Variants in DOCK2 observed in about 807,000 individuals in gnomAD.
DOCK2 encodes the protein dedicator of cytokinesis 2.
Under a neutral mutation model 248.9 loss-of-function variants are expected in DOCK2, and 87 were observed. The ratio of observed to expected loss-of-function variants is 0.35; its 90% CI spans 0.29 to 0.42. The LOEUF (loss-of-function observed/expected upper bound fraction) is 0.42. Among genes scored for constraint, DOCK2 ranks in the 10% least tolerant of loss-of-function variants. The pLI is 1.00. For missense variants in DOCK2, 1,747 were observed against 2,300.2 expected (o/e 0.76, Z 4.92); for synonymous variants, 805 against 821.6 (o/e 0.98, Z 0.35).
At chr5:169,981,163 A>C (rs192167742) in intron 27 of DOCK2, among the ~76,000 whole-genome samples, 24 of 152,364 alleles carry the variant, frequency 1.6e-4, no homozygotes, top group Non-Finnish European at 2.9e-4. Context: ...TGACAAGGAA[A>C]GCATGCTATC....
chr5:170,052,100 G>A (rs945161786), intron 41 of DOCK2, among the ~76,000 whole-genome samples: 1 of 152,192 alleles, frequency 6.6e-6, no homozygotes, highest in African/African-American at 2.4e-5. Flanking sequence ...CACAAATTAA[G>A]TTACAGCCTT....
chr5:169,890,331 G>A (rs1773212746), intron 27 of DOCK2, among the ~76,000 whole-genome samples: 1 of 152,166 alleles, frequency 6.6e-6, no homozygotes. Flanking sequence ...GCCATTTACT[G>A]TTGATCATTC....
At chr5:169,864,238 T>C in intron 27 of DOCK2, 1 of 1,523,812 alleles carries the variant, frequency 6.6e-7, no homozygotes, top group Non-Finnish European at 8.9e-7. Flanking sequence ...GGGAAGTGCG[T>C]GGAGTTGGGG....
rs1777982167 is a variant in DOCK2, at chr5:169,983,072, A to T, written c.2804A>T (p.His935Leu). The stretch of plus-strand genomic sequence containing the variant: ...ATTTGTCTTCATTTCTTGCAGAGTC[A>T]CTTTGTGGCATGTATGACAGCCATC... ...TMGRDHILIS[H>L]FVACMTAILN... is the part of the protein sequence containing the mutation. The change falls in exon 28 of 52, where the codon CAC (histidine) becomes CTC (leucine). Residue 935 changes from histidine (H) to leucine (L), a missense_variant. By Grantham distance (99) the His-to-Leu change is moderately conservative (BLOSUM62 -3). Coordinates refer to ENST00000520908, the MANE Select transcript of DOCK2 (RefSeq NM_004946.3). 1.9e-6 allele frequency: 3 copies of T among 1,613,962 alleles called. No individual in the cohort carries two copies. The highest frequency in any genetic ancestry group is 2.7e-5 in the African/African-American group (2 of 75,016).
chr5:169,713,261 C>A (rs1191598690), intron 17 of DOCK2, among the ~76,000 whole-genome samples: 2 of 152,186 alleles, frequency 1.3e-5, no homozygotes, highest in African/African-American at 2.4e-5. Flanking sequence ...TTTACTTACC[C>A]CCATTAGGTC....
chr5:169,770,547 G>A (rs1246641488), intron 25 of DOCK2, among the ~76,000 whole-genome samples: 1 of 152,042 alleles, frequency 6.6e-6, no homozygotes, highest in East Asian at 1.9e-4. Flanking sequence ...TGATCCTTCT[G>A]CCTTGGCCTC....
rs747389103 is a variant in DOCK2 at position 169,708,285 on chromosome 5, C to G, written c.1482+18C>G. ...CAGTCAAGGTAATAATTAATAATAG[C>G]AGCAAACACATGTCTAGTTCTTACC... On this transcript the variant is annotated intron_variant, in intron 15 of 51. Transcript: ENST00000520908. 2.5e-6 allele frequency: 4 copies of G among 1,605,758 alleles called. No homozygotes were observed. The highest frequency in any genetic ancestry group is 2.6e-6 in the Non-Finnish European group (3 of 1,173,908).
In DOCK2 at chr5:169,714,357, T is replaced by G; in HGVS notation, c.1844-3T>G. ...ACTTCTGAATGTCTGGACTCTATTTTAGTGGGCTTGCTGGGTTTGCTGAAG... is the reference window on the plus strand; with the variant it reads ...ACTTCTGAATGTCTGGACTCTATTTGAGTGGGCTTGCTGGGTTTGCTGAAG... On this transcript the variant is annotated splice_region_variant and splice_polypyrimidine_tract_variant and intron_variant, in intron 18 of 51. Transcript: ENST00000520908. The G allele has an allele frequency of 6.2e-7, 1 of 1,614,038 alleles. No homozygotes were observed. The highest frequency in any genetic ancestry group is 8.5e-7 in the Non-Finnish European group (1 of 1,179,950).
At chr5:169,864,347 G>T (rs1456976309) in intron 27 of DOCK2, 13 of 1,551,450 alleles carry the variant, frequency 8.4e-6, no homozygotes, top group East Asian at 2.4e-5. Flanking sequence ...GGGGCTGGGG[G>T]TTCTGCTGGG....
Position 170,075,662 on chromosome 5 carries a change from G to A in DOCK2, c.4729-285G>A, listed in dbSNP as rs565069515. 37 of 332,456 alleles carry A rather than the reference G, an allele frequency of 1.1e-4. 1 individual carries two copies. In the East Asian group the frequency reaches 1.9e-3, roughly 17 times the overall value. The allele number at this position is 332,456 out of a possible 1,614,324, so 20.6% of individuals were successfully genotyped here. A position where few individuals can be genotyped will look rare whatever the true frequency, so the allele number is the denominator to read the frequency against. ...GCCCCCAAGTAGATTCTTTAAGGGGGCAATTTTCCCAACCATGTGGCCTTT... is the reference window on the plus strand; with the variant it reads ...GCCCCCAAGTAGATTCTTTAAGGGGACAATTTTCCCAACCATGTGGCCTTT... On this transcript the variant is annotated intron_variant, in intron 46 of 51. Coordinates refer to ENST00000520908, the MANE Select transcript of DOCK2 (RefSeq NM_004946.3).
intron 46 of DOCK2, among the ~76,000 whole-genome samples, chr5:170,073,029 C>T (rs1210386396): frequency 6.6e-6 from 1 of 152,048 alleles, no homozygotes; most frequent in Admixed American, 6.5e-5. Flanking sequence ...TTTAATTTAT[C>T]ATATTTTTAA....
intron 27 of DOCK2, among the ~76,000 whole-genome samples, chr5:169,891,923 G>C (rs1773307748): frequency 6.6e-6 from 1 of 150,996 alleles, no homozygotes; most frequent in African/African-American, 2.4e-5. Context: ...TTGAACCTGG[G>C]AGGCGGAGGT....
chr5:169,647,864 T>C (rs1357088025), intron 1 of DOCK2, among the ~76,000 whole-genome samples: 1 of 152,178 alleles, frequency 6.6e-6, no homozygotes, highest in African/African-American at 2.4e-5. Flanking sequence ...TCTTTGTTTC[T>C]TGTGTGTTTA....
chr5:169,712,253 G>A (rs1761632732), intron 17 of DOCK2, 30 bp downstream of exon 17: 3 of 1,595,756 alleles, frequency 1.9e-6, no homozygotes, highest in Non-Finnish European at 2.6e-6. Flanking sequence ...GCTCTGCACT[G>A]AGGGGAGTGC....
chr5:169,814,992 A>G (rs995069029), intron 26 of DOCK2, among the ~76,000 whole-genome samples: 1 of 152,232 alleles, frequency 6.6e-6, no homozygotes, highest in African/African-American at 2.4e-5. Context: ...GCATGACTAA[A>G]CCAACATTTA....
intron 30 of DOCK2, among the ~76,000 whole-genome samples, chr5:169,999,385 G>A (rs1754757032): frequency 6.6e-6 from 1 of 152,110 alleles, no homozygotes; most frequent in Non-Finnish European, 1.5e-5. Flanking sequence ...ACAGTGCTGG[G>A]GACATAGCAG....
chr5:169,823,917 G>A (rs1346022987), intron 26 of DOCK2, among the ~76,000 whole-genome samples: 3 of 152,182 alleles, frequency 2.0e-5, no homozygotes, highest in African/African-American at 4.8e-5. Flanking sequence ...AACAACTTCA[G>A]CAAAGTCTCA....
At chr5:169,916,371 G>A (rs1774876326) in intron 27 of DOCK2, among the ~76,000 whole-genome samples, 1 of 152,220 alleles carries the variant, frequency 6.6e-6, no homozygotes, top group Non-Finnish European at 1.5e-5. Flanking sequence ...GCTCATCAAT[G>A]TCTTAGTCAA....
intron 22 of DOCK2, among the ~76,000 whole-genome samples, chr5:169,720,583 C>A (rs1762141397): frequency 6.6e-6 from 1 of 152,106 alleles, no homozygotes; most frequent in Admixed American, 6.6e-5. Context: ...GGGTTCTGAG[C>A]TTGTGGAATT....
Sources: gnomAD v4.1 joint callset for allele counts (sites outside exome capture counted in the v4.1 genomes callset) on GRCh38, gnomAD v4.1.1 for gene constraint, MANE v1.5 for transcripts, NCBI Gene and HGNC (gene_info 2026-07-23, HGNC 2026-07-21) for gene names.